The following KIAA1217 variants were observed in gnomAD, a reference collection of about 807,000 sequenced individuals.
KIAA1217 encodes sickle tail protein homolog.
Under a neutral mutation model 163.9 loss-of-function variants are expected in KIAA1217, and 88 were observed. The ratio of observed to expected loss-of-function variants is 0.54; its 90% CI spans 0.45 to 0.64. The LOEUF is 0.64. KIAA1217 is among the 30% of genes least tolerant of loss of function. KIAA1217 has a pLI of 0.00. For missense variants in KIAA1217, 2,372 were observed against 2,475.0 expected (o/e 0.96, Z 0.88); for synonymous variants, 903 against 923.1 (o/e 0.98, Z 0.39).
chr10:24,416,237 T>C (rs923350966), intron 3 of KIAA1217, among the ~76,000 whole-genome samples: 2 of 152,206 alleles, frequency 1.3e-5, no homozygotes, highest in Non-Finnish European at 2.9e-5. Context: ...ATATAAACTT[T>C]GGATACCCTA....
intron 1 of KIAA1217, among the ~76,000 whole-genome samples, chr10:23,940,673 A>G (rs959875151): frequency 1.3e-5 from 2 of 152,150 alleles, no homozygotes; most frequent in African/African-American, 4.8e-5. Flanking sequence ...TTTTACTAAG[A>G]TAGGTCATAT....
chr10:23,978,513 A>G (rs1449328007), intron 1 of KIAA1217, among the ~76,000 whole-genome samples: 1 of 152,178 alleles, frequency 6.6e-6, no homozygotes, highest in Non-Finnish European at 1.5e-5. Context: ...TGTTGAATTC[A>G]TGCCAGGCTT....
intron 1 of KIAA1217, among the ~76,000 whole-genome samples, chr10:23,856,843 CT>C (rs959565314): frequency 1.1e-4 from 16 of 152,328 alleles, no homozygotes; most frequent in East Asian, 5.8e-4. Flanking sequence ...CCTGGTGCGC[CT>C]TTTTTTAAGC....
At chr10:24,062,905 T>C (rs2060786661) in intron 2 of KIAA1217, among the ~76,000 whole-genome samples, 1 of 134,940 alleles carries the variant, frequency 7.4e-6, no homozygotes, top group African/African-American at 3.9e-5. Flanking sequence ...ATGAGCATTT[T>C]TTCATGTGTT....
At chr10:24,023,604 G>A (rs1197423408) in intron 2 of KIAA1217, among the ~76,000 whole-genome samples, 1 of 151,600 alleles carries the variant, frequency 6.6e-6, no homozygotes, top group African/African-American at 2.4e-5. Context: ...TGGTATATGT[G>A]GGAGTTCTGG....
At chr10:23,832,633 C>T (rs1044582687) in intron 1 of KIAA1217, among the ~76,000 whole-genome samples, 2 of 152,082 alleles carry the variant, frequency 1.3e-5, no homozygotes, top group African/African-American at 2.4e-5. Flanking sequence ...CAAAAGAAGA[C>T]TCATTATTCC....
At chr10:24,184,127 G>A (rs1390220967) in intron 2 of KIAA1217, among the ~76,000 whole-genome samples, 5 of 152,178 alleles carry the variant, frequency 3.3e-5, no homozygotes, top group African/African-American at 1.2e-4. Flanking sequence ...TTTCAACAGA[G>A]CCAGTGAGTG....
intron 2 of KIAA1217, among the ~76,000 whole-genome samples, chr10:24,130,544 A>C (rs1423396000): frequency 6.6e-6 from 1 of 152,202 alleles, no homozygotes; most frequent in East Asian, 1.9e-4. Context: ...TGAACTAGCA[A>C]ATGTATGCCT....
intron 2 of KIAA1217, among the ~76,000 whole-genome samples, chr10:24,376,588 C>G (rs1300171128): frequency 6.6e-6 from 1 of 152,084 alleles, no homozygotes; most frequent in East Asian, 1.9e-4. Context: ...CAAAGTGAGA[C>G]CTCGTCTACT....
At chr10:23,893,082 G>T (rs1215391866) in intron 1 of KIAA1217, among the ~76,000 whole-genome samples, 1 of 152,002 alleles carries the variant, frequency 6.6e-6, no homozygotes, top group Non-Finnish European at 1.5e-5. Flanking sequence ...GTTCCTCCTT[G>T]TACCTCTGGT....
intron 17 of KIAA1217, among the ~76,000 whole-genome samples, chr10:24,538,732 G>GTTTT (rs756717624): frequency 0.056 from 4,888 of 87,686 alleles, 924 homozygotes; most frequent in Non-Finnish European, 0.074. Context: ...ATTGTTTTTG[G>GTTTT]TTTTTTTTTT....
chr10:23,725,040 C>T (rs6482322), intron 1 of KIAA1217, among the ~76,000 whole-genome samples: 33,209 of 152,014 alleles, frequency 0.22, 3,878 homozygotes, highest in African/African-American at 0.29. Context: ...TTTATGACAA[C>T]CTTTCATACA....
intron 1 of KIAA1217, among the ~76,000 whole-genome samples, chr10:23,980,572 G>C (rs1589177404): frequency 6.6e-6 from 1 of 152,056 alleles, no homozygotes; most frequent in Non-Finnish European, 1.5e-5. Flanking sequence ...TGTTGAGCCG[G>C]GTGGATGAAA....
chr10:23,945,746 C>T (rs1477999205), intron 1 of KIAA1217, among the ~76,000 whole-genome samples: 1 of 152,044 alleles, frequency 6.6e-6, no homozygotes, highest in Non-Finnish European at 1.5e-5. Flanking sequence ...AATGATTCTC[C>T]TGTACTTCAT....
chr10:24,274,635 A>G (rs2077090027), intron 2 of KIAA1217, among the ~76,000 whole-genome samples: 1 of 152,094 alleles, frequency 6.6e-6, no homozygotes, highest in South Asian at 2.1e-4. Flanking sequence ...TCCTGAATTT[A>G]TTAGTTAATA....
chr10:23,777,693 A>T (rs1047476077), intron 1 of KIAA1217, among the ~76,000 whole-genome samples: 1 of 147,344 alleles, frequency 6.8e-6, no homozygotes, highest in Non-Finnish European at 1.5e-5. Context: ...ATCTGTCATT[A>T]AAAAAAAATA....
intron 1 of KIAA1217, among the ~76,000 whole-genome samples, chr10:23,778,134 T>C (rs922480005): frequency 2.6e-5 from 4 of 151,986 alleles, no homozygotes; most frequent in African/African-American, 9.7e-5. Flanking sequence ...TAGAGACAAG[T>C]TTCACCATGT....
chr10:23,753,229 A>G (rs1464361354), intron 1 of KIAA1217, among the ~76,000 whole-genome samples: 1 of 152,248 alleles, frequency 6.6e-6, no homozygotes, highest in African/African-American at 2.4e-5. Flanking sequence ...GGCATTGGTT[A>G]TAAGCAGAAT....
chr10:24,209,256 G>C lies in KIAA1217; in HGVS notation c.63G>C (p.Gln21His), dbSNP rs745553402. 6.2e-7 allele frequency: 1 copy of C among 1,613,008 alleles called. No individual in the cohort carries two copies. The highest frequency in any genetic ancestry group is 8.5e-7 in the Non-Finnish European group (1 of 1,179,276). The change falls in exon 1 of 21, where the codon CAG becomes CAC. Residue 21 changes from glutamine to histidine, a missense_variant. Physicochemically the swap from Gln to His is conservative, Grantham distance 24. Around this residue, in one of 3 missense-constraint regions of KIAA1217, gnomAD observed 1,431 missense variants for 1,470.3 expected, o/e 0.97. Coordinates refer to ENST00000376454, the MANE Select transcript of KIAA1217 (RefSeq NM_019590.5). ...PCLPYSADRR[Q>H]MQEQGKGNLH... is the part of the protein sequence containing the mutation. ...TTCCTTACTCAGCAGACAGAAGACA[G>C]ATGCAGGGTAAGTAACAGACCCATT...
Sources: gnomAD v4.1 joint callset for allele counts (sites outside exome capture counted in the v4.1 genomes callset) on GRCh38, gnomAD v4.1.1 for gene constraint, gnomAD v4.1.1 regional missense constraint, MANE v1.5 for transcripts, NCBI Gene and HGNC (gene_info 2026-07-23, HGNC 2026-07-21) for gene names.